The following TNS1 variants were observed in gnomAD, a reference collection of about 807,000 sequenced individuals.
TNS1 encodes tensin-1.
In TNS1, 62 loss-of-function variants were observed where a neutral mutation model predicts 168.6. The ratio of observed to expected loss-of-function variants is 0.37; its 90% confidence interval spans 0.30 to 0.45. TNS1 has a LOEUF of 0.45. TNS1 is among the 20% of genes least tolerant of loss of function. The pLI is 1.00. For synonymous variants in TNS1, 934 were observed against 933.2 expected (o/e 1.00, Z -0.02); for missense variants, 2,240 against 2,339.4 (o/e 0.96, Z 0.88).
chr2:217,818,657 T>C lies in TNS1; in HGVS notation c.3675A>G (p.Gly1225=). Residue 1225 remains glycine, a synonymous_variant, in exon 24 of 33, where the codon GGA becomes GGG. Transcript: ENST00000682258. ...LESGFRSGSL[G]QPSPSAQRNY... The stretch of plus-strand genomic sequence containing the variant: ...TTCTCTGGGCAGACGGGCTGGGCTG[T>C]CCCAGGCTGCCTGAGCGGAAGCCAG... The C allele has an allele frequency of 6.2e-7, 1 of 1,614,166 alleles. No individual in the cohort carries two copies. The highest frequency in any genetic ancestry group is 8.5e-7 in the Non-Finnish European group (1 of 1,180,022).
chr2:217,952,701 A>C (rs1233658263), intron 3 of TNS1, among the ~76,000 whole-genome samples: 1 of 152,114 alleles, frequency 6.6e-6, no homozygotes, highest in Non-Finnish European at 1.5e-5. Context: ...GGCTGGAGGG[A>C]CTGGCTAAAA....
chr2:217,929,076 A>C (rs1956180400), intron 3 of TNS1, among the ~76,000 whole-genome samples: 1 of 152,176 alleles, frequency 6.6e-6, no homozygotes, highest in African/African-American at 2.4e-5. Flanking sequence ...AGAAGCTGAC[A>C]ACAACAAGGG....
At chr2:217,915,670 G>C (rs746858321) in intron 4 of TNS1, among the ~76,000 whole-genome samples, 6 of 152,184 alleles carry the variant, frequency 3.9e-5, no homozygotes, top group African/African-American at 9.7e-5. Flanking sequence ...CCCATCACCC[G>C]GCAACATCGG....
chr2:217,906,090 G>A (rs1030124968), intron 6 of TNS1, among the ~76,000 whole-genome samples: 3 of 151,836 alleles, frequency 2.0e-5, no homozygotes, highest in Admixed American at 6.5e-5. Context: ...CCTCCCACCC[G>A]CCCTGAGCAC....
chr2:217,910,612 G>A (rs1408236040), intron 4 of TNS1, among the ~76,000 whole-genome samples: 1 of 151,794 alleles, frequency 6.6e-6, no homozygotes, highest in Non-Finnish European at 1.5e-5. Context: ...ACTGCCTAAT[G>A]AGTCCAGCTG....
chr2:218,010,228 G>A (rs1238068343), exon 1 of TNS1: 1 of 398,776 alleles, frequency 2.5e-6, no homozygotes, highest in Admixed American at 4.4e-5. Flanking sequence ...TGGGGCGCGA[G>A]GGTCGGAAGA....
chr2:217,881,308 T>C (rs1472111575), intron 17 of TNS1: 1 of 314,398 alleles, frequency 3.2e-6, no homozygotes, highest in Non-Finnish European at 5.9e-6. Flanking sequence ...CCTGGCTGGG[T>C]ACCTGCCTCT....
intron 19 of TNS1, among the ~76,000 whole-genome samples, chr2:217,843,064 T>C (rs909928408): frequency 1.3e-5 from 2 of 152,156 alleles, no homozygotes; most frequent in African/African-American, 4.8e-5. Context: ...GCAGCACCCA[T>C]TAGAAGTTCA....
chr2:217,825,559 C>G (rs1216628011), intron 22 of TNS1, among the ~76,000 whole-genome samples: 1 of 152,214 alleles, frequency 6.6e-6, no homozygotes, highest in Non-Finnish European at 1.5e-5. Flanking sequence ...TCACATTGCC[C>G]TACGCCCCAC....
At chr2:217,951,309 C>T (rs1957235019) in intron 3 of TNS1, among the ~76,000 whole-genome samples, 1 of 152,222 alleles carries the variant, frequency 6.6e-6, no homozygotes, top group Non-Finnish European at 1.5e-5. Context: ...CGTCACCACC[C>T]CCATCCCAGA....
intron 30 of TNS1, 75 bp from the exon 31 acceptor site, chr2:217,808,746 C>A: frequency 7.2e-7 from 1 of 1,383,962 alleles, no homozygotes; most frequent in South Asian, 1.2e-5. Context: ...ACCAGCAGGT[C>A]AGGCCACCTT....
At chr2:218,009,731 C>T (rs767238599) in intron 1 of TNS1, among the ~76,000 whole-genome samples, 24 of 152,342 alleles carry the variant, frequency 1.6e-4, no homozygotes, top group Middle Eastern at 3.4e-3. Context: ...CCCACCTTCC[C>T]TTCCCACGGA....
intron 16 of TNS1, among the ~76,000 whole-genome samples, chr2:217,883,204 ATTGTTT>A (rs1202640579): frequency 6.6e-6 from 1 of 152,164 alleles, no homozygotes; most frequent in Non-Finnish European, 1.5e-5. Context: ...TGATTAGATT[ATTGTTT>A]TTATTTATGC....
At chr2:218,023,144 T>C (rs909770423) in intron 1 of TNS1, among the ~76,000 whole-genome samples, 3 of 152,158 alleles carry the variant, frequency 2.0e-5, no homozygotes, top group Non-Finnish European at 4.4e-5. Flanking sequence ...CAAGGGACCA[T>C]TGAGAACAAG....
At chr2:217,977,917 C>T (rs1957935413) in intron 3 of TNS1, among the ~76,000 whole-genome samples, 1 of 152,178 alleles carries the variant, frequency 6.6e-6, no homozygotes, top group Non-Finnish European at 1.5e-5. Flanking sequence ...AAGGTGCAGA[C>T]ATTGGCTGCA....
At chr2:217,971,696 C>T (rs746533240) in intron 3 of TNS1, among the ~76,000 whole-genome samples, 5 of 152,190 alleles carry the variant, frequency 3.3e-5, no homozygotes, top group Non-Finnish European at 5.9e-5. Flanking sequence ...CCACTGGTTA[C>T]CACTTTTAAA....
intron 4 of TNS1, 95 bp from the exon 5 acceptor site, chr2:217,907,346 C>T (rs1953833798): frequency 4.4e-6 from 3 of 686,000 alleles, no homozygotes; most frequent in South Asian, 3.1e-5. Flanking sequence ...GGGCAGAATG[C>T]CCCCTGAGAC....
intron 18 of TNS1, among the ~76,000 whole-genome samples, chr2:217,868,773 C>T (rs1262071688): frequency 1.3e-5 from 2 of 152,252 alleles, no homozygotes; most frequent in African/African-American, 4.8e-5. Flanking sequence ...GCCTGAGTCC[C>T]AAGGCCATGC....
chr2:217,906,424 G>A (rs1053396557), intron 5 of TNS1, 39 bp from the exon 6 acceptor site: 40 of 702,544 alleles, frequency 5.7e-5, no homozygotes, highest in Non-Finnish European at 8.8e-5. Flanking sequence ...GGGGAGGCAA[G>A]AAAAATAATC....
Sources: gnomAD v4.1 joint callset for allele counts (sites outside exome capture counted in the v4.1 genomes callset) on GRCh38, gnomAD v4.1.1 for gene constraint, MANE v1.5 for transcripts, NCBI Gene and HGNC (gene_info 2026-07-23, HGNC 2026-07-21) for gene names.